Variants in PTPN1 observed in about 807,000 individuals in gnomAD.
PTPN1 encodes the protein protein tyrosine phosphatase non-receptor type 1.
In PTPN1, 12 loss-of-function variants were observed where a neutral mutation model predicts 59.9. The ratio of observed to expected loss-of-function variants is 0.20; its 90% CI spans 0.13 to 0.32. The LOEUF is 0.32. Among genes scored for constraint, PTPN1 ranks in the 10% least tolerant of loss-of-function variants. The pLI, the probability that PTPN1 is intolerant of heterozygous loss-of-function variation, is 1.00. For synonymous variants in PTPN1, 178 were observed against 203.6 expected, an observed-to-expected ratio of 0.87 and a Z score of 1.07; for missense variants, 356 against 549.2, an observed-to-expected ratio of 0.65 and a Z score of 3.52.
At chr20:50,551,503 G>T (rs1337010264) in intron 1 of PTPN1, among the ~76,000 whole-genome samples, 3 of 152,204 alleles carry the variant, frequency 2.0e-5, no homozygotes, top group African/African-American at 7.2e-5. Flanking sequence ...TTACCTGTAA[G>T]CTTTGGGCAC....
chr20:50,554,876 CAG>C (rs2082719548), intron 1 of PTPN1, among the ~76,000 whole-genome samples: 1 of 151,836 alleles, frequency 6.6e-6, no homozygotes, highest in African/African-American at 2.4e-5. Flanking sequence ...AAGGCAGAGA[CAG>C]AGGAAAAAAG....
intron 1 of PTPN1, among the ~76,000 whole-genome samples, chr20:50,558,319 A>C (rs770979499): frequency 2.6e-5 from 4 of 152,216 alleles, no homozygotes; most frequent in Non-Finnish European, 4.4e-5. Context: ...AGGTCAAAAG[A>C]AGCAGATGAA....
chr20:50,521,513 G>A (rs1043012554), intron 1 of PTPN1, among the ~76,000 whole-genome samples: 2 of 152,238 alleles, frequency 1.3e-5, no homozygotes, highest in Non-Finnish European at 1.5e-5. Context: ...CACTATGGCA[G>A]TGTGGCCACT....
intron 1 of PTPN1, among the ~76,000 whole-genome samples, chr20:50,532,501 T>C (rs1601392713): frequency 6.6e-6 from 1 of 152,354 alleles, no homozygotes; most frequent in East Asian, 1.9e-4. Context: ...TCTGGAGCTC[T>C]GATTGTATTG....
intron 5 of PTPN1, among the ~76,000 whole-genome samples, chr20:50,575,489 G>A (rs2082832379): frequency 6.6e-6 from 1 of 152,244 alleles, no homozygotes; most frequent in African/African-American, 2.4e-5. Context: ...TTTATCTGAA[G>A]GGAAGGTGGA....
intron 7 of PTPN1, 131 bp from the exon 8 acceptor site, chr20:50,579,572 A>T: frequency 3.2e-6 from 3 of 926,100 alleles, no homozygotes; most frequent in Non-Finnish European, 5.0e-6. Flanking sequence ...TTCATCTTCC[A>T]AGTACATGGC....
chr20:50,548,264 A>T (rs1260535590), intron 1 of PTPN1, among the ~76,000 whole-genome samples: 2 of 152,104 alleles, frequency 1.3e-5, no homozygotes, highest in African/African-American at 2.4e-5. Context: ...AAGGTTTTTT[A>T]AAAAATTTTC....
chr20:50,556,585 G>A (rs1429834402), intron 1 of PTPN1, among the ~76,000 whole-genome samples: 1 of 152,156 alleles, frequency 6.6e-6, no homozygotes, highest in African/African-American at 2.4e-5. Flanking sequence ...AGCAGAATGT[G>A]GACATTTTTT....
chr20:50,563,588 T>G (rs1309132900), intron 2 of PTPN1, among the ~76,000 whole-genome samples: 1 of 152,236 alleles, frequency 6.6e-6, no homozygotes, highest in Non-Finnish European at 1.5e-5. Flanking sequence ...GTATCTTTAT[T>G]TGTACTAAGC....
chr20:50,539,644 CTTTT>C (rs5841806), intron 1 of PTPN1, among the ~76,000 whole-genome samples: 5 of 90,528 alleles, frequency 5.5e-5, no homozygotes, highest in Non-Finnish European at 8.4e-5. Flanking sequence ...CTCTTTCTCT[CTTTT>C]TTTTTTTTTT....
At chr20:50,581,800 ATTG>A (rs540724323) in intron 9 of PTPN1, among the ~76,000 whole-genome samples, 56 of 151,354 alleles carry the variant, frequency 3.7e-4, no homozygotes, top group Non-Finnish European at 7.1e-4. Context: ...GTTACAACAC[ATTG>A]TTGTTTTTAA....
chr20:50,545,188 T>G (rs970006603), intron 1 of PTPN1, among the ~76,000 whole-genome samples: 3 of 152,118 alleles, frequency 2.0e-5, no homozygotes, highest in Non-Finnish European at 2.9e-5. Flanking sequence ...ACTCCTGAGC[T>G]CAAGTGATCC....
intron 5 of PTPN1, 153 bp downstream of exon 5, chr20:50,574,807 C>A: frequency 1.1e-6 from 1 of 931,770 alleles, no homozygotes; most frequent in South Asian, 1.8e-5. Flanking sequence ...GCGGAGCTTA[C>A]TTGTGTACCT....
chr20:50,579,037 C>T (rs2082851598), intron 6 of PTPN1, 131 bp from the exon 7 acceptor site: 3 of 1,106,446 alleles, frequency 2.7e-6, no homozygotes, highest in African/African-American at 3.1e-5. Flanking sequence ...CACCTCCCAC[C>T]CAGCCCCACC....
intron 1 of PTPN1, among the ~76,000 whole-genome samples, chr20:50,513,722 T>G (rs2082516912): frequency 6.6e-6 from 1 of 152,254 alleles, no homozygotes; most frequent in African/African-American, 2.4e-5. Context: ...AACCATGTTG[T>G]AACAATAGTT....
intron 1 of PTPN1, among the ~76,000 whole-genome samples, chr20:50,522,317 T>A (rs760618418): frequency 2.0e-5 from 3 of 152,164 alleles, no homozygotes; most frequent in Non-Finnish European, 4.4e-5. Context: ...GAAGTTACAT[T>A]GGGTGGGCCT....
chr20:50,543,267 A>G (rs2082660411), intron 1 of PTPN1, among the ~76,000 whole-genome samples: 1 of 152,242 alleles, frequency 6.6e-6, no homozygotes, highest in South Asian at 2.1e-4. Context: ...TCCTTACAGA[A>G]GGACAAAGGA....
At chr20:50,515,549 C>T (rs1381169684) in intron 1 of PTPN1, among the ~76,000 whole-genome samples, 1 of 152,162 alleles carries the variant, frequency 6.6e-6, no homozygotes, top group Non-Finnish European at 1.5e-5. Context: ...GCCTTGGCCT[C>T]CCAGAGTGCT....
intron 1 of PTPN1, among the ~76,000 whole-genome samples, chr20:50,519,509 T>C (rs187750048): frequency 6.6e-6 from 1 of 152,332 alleles, no homozygotes; most frequent in Non-Finnish European, 1.5e-5. Flanking sequence ...TGGAAGAATA[T>C]TTTGTTTGAA....
Sources: gnomAD v4.1 joint callset for allele counts (sites outside exome capture counted in the v4.1 genomes callset) on GRCh38, gnomAD v4.1.1 for gene constraint, MANE v1.5 for transcripts, NCBI Gene and HGNC (gene_info 2026-07-23, HGNC 2026-07-21) for gene names.